The following RRAGD variants were observed in gnomAD, a reference collection of about 807,000 sequenced individuals.
RRAGD encodes ras-related GTP-binding protein D.
In RRAGD, 12 loss-of-function variants were observed where a neutral mutation model predicts 35.5. The observed-to-expected ratio is 0.34, with a 90% CI of 0.22 to 0.55. The LOEUF (loss-of-function observed/expected upper bound fraction) is 0.55, where lower values mean the gene tolerates loss of function less well. Among genes scored for constraint, RRAGD ranks in the 20% least tolerant of loss-of-function variants. The pLI is 0.91. For missense variants in RRAGD, 324 were observed against 490.1 expected (o/e 0.66, Z 3.20); for synonymous variants, 155 against 178.9 (o/e 0.87, Z 1.07).
At chr6:89,386,662 T>C (rs1437771446) in intron 2 of RRAGD, among the ~76,000 whole-genome samples, 2 of 152,224 alleles carry the variant, frequency 1.3e-5, no homozygotes, top group East Asian at 1.9e-4. Context: ...TACTTACTTA[T>C]GTGAATAAAG....
At chr6:89,396,769 T>C (rs1230803616) in intron 1 of RRAGD, among the ~76,000 whole-genome samples, 1 of 135,958 alleles carries the variant, frequency 7.4e-6, no homozygotes, top group East Asian at 2.4e-4. Flanking sequence ...AGACAGAGTC[T>C]TGCTCTGTCA....
chr6:89,373,537 G>A lies in RRAGD; in HGVS notation c.903-952C>T, dbSNP rs147445357. ...GGAGGCTGAGGCAGAAGAATCCCTT[G>A]AACCCAGGAGGCAGACGTTGCCGTG... On this transcript the variant is annotated intron_variant, in intron 5 of 6. Coordinates refer to ENST00000369415, the MANE Select transcript of RRAGD (RefSeq NM_021244.5). Among the ~76,000 whole-genome samples the A allele has an allele frequency of 8.0e-3, 1,193 of 149,896 alleles. 17 individuals are homozygous for A. Among genetic ancestry groups the A allele is most frequent in the African/African-American group, 0.028 (1,148 of 40,610 alleles).
chr6:89,406,942 C>T (rs1271925713), intron 1 of RRAGD, among the ~76,000 whole-genome samples: 2 of 152,192 alleles, frequency 1.3e-5, no homozygotes, highest in Non-Finnish European at 2.9e-5. Context: ...AGCCAAACCC[C>T]CATCACACAC....
chr6:89,379,810 G>GT (rs1429400919), intron 3 of RRAGD, among the ~76,000 whole-genome samples: 1 of 152,160 alleles, frequency 6.6e-6, no homozygotes, highest in Non-Finnish European at 1.5e-5. Flanking sequence ...TATTTGGATT[G>GT]TTTTCAGACT....
intron 1 of RRAGD, among the ~76,000 whole-genome samples, chr6:89,410,877 G>A (rs1462460115): frequency 6.6e-6 from 1 of 152,200 alleles, no homozygotes; most frequent in Non-Finnish European, 1.5e-5. Flanking sequence ...AAACATTAAA[G>A]TTAGTTCCTT....
At chr6:89,405,774 G>C (rs980128311) in intron 1 of RRAGD, among the ~76,000 whole-genome samples, 1 of 152,180 alleles carries the variant, frequency 6.6e-6, no homozygotes, top group Non-Finnish European at 1.5e-5. Context: ...TATGGTTTTA[G>C]GAAGAGGCCC....
chr6:89,379,607 C>T (rs527754113), intron 3 of RRAGD, among the ~76,000 whole-genome samples: 11 of 152,380 alleles, frequency 7.2e-5, no homozygotes, highest in Admixed American at 2.6e-4. Flanking sequence ...CTGTGTCCAT[C>T]CCAGCTTCCT....
chr6:89,382,690 A>T (rs1400992740), intron 2 of RRAGD, among the ~76,000 whole-genome samples: 1 of 151,886 alleles, frequency 6.6e-6, no homozygotes, highest in African/African-American at 2.4e-5. Flanking sequence ...CCTGACCAAC[A>T]TGGTGAAACC....
chr6:89,405,650 G>C (rs1188287321), intron 1 of RRAGD, among the ~76,000 whole-genome samples: 1 of 152,132 alleles, frequency 6.6e-6, no homozygotes, highest in African/African-American at 2.4e-5. Context: ...CAACGAGAGG[G>C]TCTTCAGTGG....
At chr6:89,371,459 A>G (rs965696389) in intron 6 of RRAGD, among the ~76,000 whole-genome samples, 47 of 152,170 alleles carry the variant, frequency 3.1e-4, no homozygotes, top group African/African-American at 1.1e-3. Flanking sequence ...ACTGCACTCC[A>G]GCCTAAGTAA....
chr6:89,408,446 A>G (rs1769628233), intron 1 of RRAGD, among the ~76,000 whole-genome samples: 1 of 152,184 alleles, frequency 6.6e-6, no homozygotes, highest in African/African-American at 2.4e-5. Context: ...TTGAGCCCAC[A>G]AGTCCGAGAC....
At chr6:89,370,903 TG>T (rs1301169032) in intron 6 of RRAGD, among the ~76,000 whole-genome samples, 32 of 152,218 alleles carry the variant, frequency 2.1e-4, no homozygotes, top group Non-Finnish European at 4.6e-4. Flanking sequence ...CGATAATTAT[TG>T]TTTTTTTGCT....
chr6:89,412,152 G>A lies in RRAGD; in HGVS notation c.-159C>T, dbSNP rs1357381903. On this transcript the variant is annotated 5_prime_UTR_variant, in exon 1 of 7. Coordinates refer to ENST00000369415, the MANE Select transcript of RRAGD (RefSeq NM_021244.5). This position sits in a 1 kb window ranked among gnomAD's most constrained non-coding sequence, Gnocchi z 4.2. ...GGCCGCGCGTCCCCCGGCGGGCGGC[G>A]CCCAGGTCCGGGTCCCGCGGTTCCC... 3.4e-5 allele frequency: 21 copies of A among 618,642 alleles called. No homozygotes were observed. The highest frequency in any genetic ancestry group is 4.9e-5 in the Non-Finnish European group (21 of 429,676). The allele number at this position is 618,642 out of a possible 1,614,324, so 38.3% of individuals were successfully genotyped here.
At chr6:89,384,341 G>A (rs75932756) in intron 2 of RRAGD, among the ~76,000 whole-genome samples, 7,602 of 152,162 alleles carry the variant, frequency 0.05, 267 homozygotes, top group Non-Finnish European at 0.071. Context: ...TTATTTTTAT[G>A]TGTGGTTTTT....
At chr6:89,395,621 A>T (rs1472681012) in intron 1 of RRAGD, among the ~76,000 whole-genome samples, 1 of 152,184 alleles carries the variant, frequency 6.6e-6, no homozygotes, top group Non-Finnish European at 1.5e-5. Flanking sequence ...TTAAATTGTG[A>T]TTTCAACTCC....
intron 1 of RRAGD, among the ~76,000 whole-genome samples, chr6:89,399,871 T>A (rs1467362345): frequency 2.0e-5 from 3 of 151,296 alleles, no homozygotes; most frequent in African/African-American, 7.3e-5. Context: ...CCCAAAGTGC[T>A]GGGATTACAG....
At chr6:89,372,105 G>C (rs982172052) in intron 6 of RRAGD, among the ~76,000 whole-genome samples, 3 of 152,178 alleles carry the variant, frequency 2.0e-5, no homozygotes, top group Admixed American at 1.3e-4. Context: ...CTGCTCCCTG[G>C]TAAGAGACTT....
chr6:89,412,086 G>A lies in RRAGD; in HGVS notation c.-93C>T. 1.5e-6 allele frequency: 2 copies of A among 1,332,764 alleles called. No individual in the cohort carries two copies. The highest frequency in any genetic ancestry group is 2.7e-5 in the Admixed American group (1 of 36,694). The allele number at this position is 1,332,764 out of a possible 1,614,324, so 82.6% of individuals were successfully genotyped here. A position where few individuals can be genotyped will look rare whatever the true frequency, so the allele number is the denominator to read the frequency against. On this transcript the variant is annotated 5_prime_UTR_variant, in exon 1 of 7. Transcript: ENST00000369415. The surrounding 1 kb of genome is among the most constrained non-coding windows in gnomAD (Gnocchi z 4.2). Reference sequence around the variant, plus strand: ...GCCGCCCGCAGCCTATTTCTGAAGCGGAGGTTTGTCTAGAGCTCAGCGGGG... The same window carrying A: ...GCCGCCCGCAGCCTATTTCTGAAGCAGAGGTTTGTCTAGAGCTCAGCGGGG...
intron 4 of RRAGD, among the ~76,000 whole-genome samples, chr6:89,378,222 A>G (rs1407830454): frequency 6.6e-6 from 1 of 152,056 alleles, no homozygotes; most frequent in Non-Finnish European, 1.5e-5. Context: ...GAACTGCTTG[A>G]ACCCAGGAGG....
Sources: allele counts gnomAD v4.1 joint callset (sites outside exome capture counted in the v4.1 genomes callset), GRCh38; gene constraint gnomAD v4.1.1; non-coding constraint Gnocchi (gnomAD v3.1); transcripts MANE v1.5; gene names NCBI Gene and HGNC (gene_info 2026-07-23, HGNC 2026-07-21).